Variants in DLEC1 observed in about 807,000 individuals in gnomAD.
The protein encoded by DLEC1 is deleted in lung and esophageal cancer protein 1.
DLEC1 carries 146 observed loss-of-function variants against 198.1 expected under a neutral mutation model. The observed-to-expected ratio is 0.74, with a 90% CI of 0.64 to 0.85. The LOEUF (loss-of-function observed/expected upper bound fraction) is 0.85. Among genes scored for constraint, DLEC1 ranks in the 40% least tolerant of loss-of-function variants. The pLI, the probability that DLEC1 is intolerant of heterozygous loss-of-function variation, is 0.00. For missense variants in DLEC1, 2,233 were observed against 2,220.0 expected, an observed-to-expected ratio of 1.01 and a Z score of -0.12; for synonymous variants, 897 against 866.8, an observed-to-expected ratio of 1.03 and a Z score of -0.61.
intron 6 of DLEC1, among the ~76,000 whole-genome samples, chr3:38,066,517 A>G (rs1205053838): frequency 6.6e-6 from 1 of 152,180 alleles, no homozygotes; most frequent in Non-Finnish European, 1.5e-5. Context: ...ACTGTCCTCT[A>G]CATCTTAACA....
intron 2 of DLEC1, among the ~76,000 whole-genome samples, chr3:38,050,571 T>C (rs1252966751): frequency 1.3e-5 from 2 of 151,952 alleles, no homozygotes; most frequent in Non-Finnish European, 1.5e-5. Context: ...CCAGGTGAGC[T>C]AATATAGTGA....
chr3:38,088,358 G>A lies in DLEC1; in HGVS notation c.1635G>A (p.Glu545=), dbSNP rs1374367555. Residue 545 remains glutamate (E), a synonymous_variant, in exon 10 of 37, where the codon GAG becomes GAA. Coordinates refer to ENST00000308059, the MANE Select transcript of DLEC1 (RefSeq NM_007335.4). The part of the protein sequence containing the change: ...PPFGILPSVF[E]LAPGHAILVE... ...TTGGAATCCTGCCTTCGGTGTTTGA[G>A]CTGGCCCCGGGACATGCTATATTAG... 6.2e-7 allele frequency: 1 copy of A among 1,613,996 alleles called. No homozygotes were observed. The highest frequency in any genetic ancestry group is 8.5e-7 in the Non-Finnish European group (1 of 1,179,896).
In DLEC1 at chr3:38,094,965, T is replaced by C; in HGVS notation, c.2006T>C (p.Ile669Thr). 6.2e-7 allele frequency: 1 copy of C among 1,614,164 alleles called. No individual in the cohort carries two copies. Among genetic ancestry groups the C allele is most frequent in the Non-Finnish European group, 8.5e-7 (1 of 1,180,028 alleles). Residue 669 changes from isoleucine to threonine, a missense_variant, in exon 13 of 37, where the codon ATC becomes ACC. Coordinates refer to ENST00000308059, the MANE Select transcript of DLEC1 (RefSeq NM_007335.4). Reference protein sequence around the residue: ...MPGETFSMDSIKCYPDKETAF... With the variant: ...MPGETFSMDSTKCYPDKETAF... ...GGAGAAACCTTCAGCATGGACAGCA[T>C]CAAGTGCTACCCCGACAAGGAGACT...
chr3:38,107,624 T>C lies in DLEC1; in HGVS notation c.2905T>C (p.Tyr969His), dbSNP rs762712225. Residue 969 changes from tyrosine to histidine, a missense_variant, in exon 20 of 37, where the codon TAC becomes CAC. Transcript: ENST00000308059. Reference protein sequence around the residue: ...VYAEVQKPHVYLQSSQVEVRN... With the variant: ...VYAEVQKPHVHLQSSQVEVRN... ...TGCTGAGGTACAGAAGCCCCATGTG[T>C]ACCTACAGAGCAGCCAGGTGGAGGT... The C allele has an allele frequency of 9.9e-6, 16 of 1,613,820 alleles. No homozygotes were observed. The East Asian group carries it at 3.1e-4, about 31-fold the overall frequency.
rs365331 is a variant in DLEC1, at chr3:38,062,299, C to G, written c.804C>G (p.Asp268Glu). The change falls in exon 4 of 37, where the codon GAC becomes GAG. Residue 268 changes from aspartate to glutamate, a missense_variant. Coordinates refer to ENST00000308059, the MANE Select transcript of DLEC1 (RefSeq NM_007335.4). ...KKLAEFEDEL[D>E]HTVDSLTWNL... ...TTGCTGAGTTCGAAGATGAGTTAGA[C>G]CACACTGTGGACAGCCTGACATGGA... 1.9e-6 allele frequency: 3 copies of G among 1,614,168 alleles called. No homozygotes were observed. In the Admixed American group the frequency reaches 5.0e-5, roughly 27 times the overall value.
intron 6 of DLEC1, among the ~76,000 whole-genome samples, chr3:38,071,407 G>T (rs983904766): frequency 6.6e-6 from 1 of 152,206 alleles, no homozygotes; most frequent in Non-Finnish European, 1.5e-5. Context: ...TCTAAGAGAC[G>T]GGCTAGCGGC....
In DLEC1 at chr3:38,085,184, C is replaced by T. The variant is rs1470931131; in HGVS notation, c.1262-90C>T. On this transcript the variant is annotated intron_variant, in intron 7 of 36. Coordinates refer to ENST00000308059, the MANE Select transcript of DLEC1 (RefSeq NM_007335.4). ...CCAGAAGGCACTTACAGAGCCAGCC[C>T]TGGCAGGGCTGGGGTCTGTACCAGC... is the stretch of plus-strand genomic sequence containing the variant. 3 of 1,443,034 alleles carry T rather than the reference C, an allele frequency of 2.1e-6. No homozygotes were observed. In the African/African-American group the frequency reaches 4.3e-5, roughly 21 times the overall value. The allele number at this position is 1,443,034 out of a possible 1,614,324, so 89.4% of individuals were successfully genotyped here. A position where few individuals can be genotyped will look rare whatever the true frequency, so the allele number is the denominator to read the frequency against.
At chr3:38,040,503 A>T (rs907489495) in intron 1 of DLEC1, among the ~76,000 whole-genome samples, 1 of 152,178 alleles carries the variant, frequency 6.6e-6, no homozygotes, top group Non-Finnish European at 1.5e-5. Context: ...TGAGATACTT[A>T]CAGGACCAGT....
At chr3:38,108,114 G>A (rs755096726) in intron 20 of DLEC1, among the ~76,000 whole-genome samples, 1 of 152,206 alleles carries the variant, frequency 6.6e-6, no homozygotes, top group Non-Finnish European at 1.5e-5. Flanking sequence ...CCACATCCAT[G>A]TGCACCAGAA....
chr3:38,078,546 G>C (rs1283004257), intron 6 of DLEC1, among the ~76,000 whole-genome samples: 1 of 152,178 alleles, frequency 6.6e-6, no homozygotes, highest in African/African-American at 2.4e-5. Context: ...TCAGCAGGGA[G>C]AGCACGTGTG....
In DLEC1 at chr3:38,122,084, A is replaced by G. The variant is rs369498877; in HGVS notation, c.5034A>G (p.Pro1678=). 443 of 1,614,060 alleles carry G rather than the reference A, an allele frequency of 2.7e-4. 1 individual carries two copies. The highest frequency in any genetic ancestry group is 2.5e-3 in the South Asian group (231 of 91,070). The change falls in exon 36 of 37, where the codon CCA becomes CCG. Residue 1678 remains proline (P), a synonymous_variant. Transcript: ENST00000308059. ...CCTTTGGTGCAGGCCAGCAGGAGCC[A>G]GCCAAGGCCGCTGTGGCCTTCAGGG... ...YWTMLMGQQE[P]AKAAVAFRVS...
At chr3:38,087,204 G>T (rs1698504183) in intron 9 of DLEC1, among the ~76,000 whole-genome samples, 1 of 152,192 alleles carries the variant, frequency 6.6e-6, no homozygotes, top group Non-Finnish European at 1.5e-5. Flanking sequence ...CAGGCCCTGT[G>T]TACCTTGTCC....
chr3:38,084,013 G>T, intron 6 of DLEC1, 145 bp from the exon 7 acceptor site: 1 of 655,684 alleles, frequency 1.5e-6, no homozygotes, highest in East Asian at 3.2e-5. Context: ...GTACCCCTCA[G>T]CCAGCTTCGA....
chr3:38,079,718 G>A (rs1451431507), intron 6 of DLEC1, among the ~76,000 whole-genome samples: 1 of 152,166 alleles, frequency 6.6e-6, no homozygotes, highest in African/African-American at 2.4e-5. Context: ...TGGCCTGGTG[G>A]TCAGATTTCT....
rs768877896 is a variant in DLEC1, at chr3:38,120,622, CCCACCTA to C, written c.4866+15_4866+21del. The C allele has an allele frequency of 1.2e-5, 20 of 1,612,568 alleles. No homozygotes were observed. The African/African-American group carries it at 2.5e-4, about 20-fold the overall frequency. ...CCAGACCACTCAGGCACGCCCCAGG[CCCACCTA>C]CATGTGGAGGAGGGTGGAAGTGGGC... is the stretch of plus-strand genomic sequence containing the variant. On this transcript the variant is annotated intron_variant, in intron 34 of 36. Coordinates refer to ENST00000308059, the MANE Select transcript of DLEC1 (RefSeq NM_007335.4).
At position 38,108,243 on chromosome 3, in the gene DLEC1, G is replaced by A. The variant is rs181664157; in HGVS notation, c.3019-162G>A. ...TTGGGGAGGAGAGGAGAAGGGACCC[G>A]TGGTTTATCCCCAGAAGTGAGCACC... On this transcript the variant is annotated intron_variant, in intron 20 of 36. Transcript: ENST00000308059. 2.8e-3 allele frequency among the ~76,000 whole-genome samples: 426 copies of A among 152,336 alleles called. 3 individuals carry two copies. The highest frequency in any genetic ancestry group is 9.9e-3 in the African/African-American group (410 of 41,580).
intron 3 of DLEC1, 59 bp from the exon 4 acceptor site, chr3:38,062,110 A>G (rs1696717004): frequency 6.3e-7 from 1 of 1,579,328 alleles, no homozygotes; most frequent in Admixed American, 1.7e-5. Flanking sequence ...TGGTCATCTT[A>G]GGAATGCCCA....
chr3:38,114,247 GC>G (rs1700035447), intron 25 of DLEC1, 94 bp from the exon 26 acceptor site: 23 of 1,206,774 alleles, frequency 1.9e-5, no homozygotes, highest in Admixed American at 3.5e-5. Context: ...AAACTGTGGG[GC>G]CCCTGGGCTG....
rs576614378 is a variant in DLEC1 at position 38,123,427 on chromosome 3, A to G, written c.*1015A>G. ...ATCGATCATAATCCCAAAAGACACA[A>G]TCCCAAACACAATCATCCCAAATGT... is the stretch of plus-strand genomic sequence containing the variant. On this transcript the variant is annotated 3_prime_UTR_variant, in exon 37 of 37. Coordinates refer to ENST00000308059, the MANE Select transcript of DLEC1 (RefSeq NM_007335.4). 1.8e-4 allele frequency: 51 copies of G among 286,086 alleles called. No homozygotes were observed. The highest frequency in any genetic ancestry group is 1.0e-3 in the African/African-American group (48 of 46,098). The allele number at this position is 286,086 out of a possible 1,614,324, so 17.7% of individuals were successfully genotyped here. A position where few individuals can be genotyped will look rare whatever the true frequency, so the allele number is the denominator to read the frequency against.
Sources: allele counts gnomAD v4.1 joint callset (sites outside exome capture counted in the v4.1 genomes callset), GRCh38; gene constraint gnomAD v4.1.1; transcripts MANE v1.5; gene names NCBI Gene and HGNC (gene_info 2026-07-23, HGNC 2026-07-21).